Variants in HOOK3 observed in about 807,000 individuals in gnomAD.
The protein encoded by HOOK3 is protein Hook homolog 3.
In HOOK3, 24 loss-of-function variants were observed where a neutral mutation model predicts 116.3. The observed-to-expected ratio is 0.21, with a 90% CI of 0.15 to 0.29. The LOEUF is 0.29. Among genes scored for constraint, HOOK3 ranks in the 10% least tolerant of loss-of-function variants. The pLI is 1.00. For synonymous variants in HOOK3, 275 were observed against 283.0 expected (o/e 0.97, Z 0.28); for missense variants, 632 against 830.2 (o/e 0.76, Z 2.93).
chr8:42,927,218 G>A (rs1249410407), intron 3 of HOOK3, among the ~76,000 whole-genome samples: 1 of 148,340 alleles, frequency 6.7e-6, no homozygotes, highest in Non-Finnish European at 1.5e-5. Flanking sequence ...TACTAAGCTA[G>A]TGAATGAAAA....
intron 5 of HOOK3, among the ~76,000 whole-genome samples, chr8:42,947,204 G>T (rs564619619): frequency 1.2e-4 from 19 of 152,176 alleles, no homozygotes; most frequent in South Asian, 2.1e-4. Context: ...TAGGAGATTG[G>T]TATACCTAAG....
chr8:43,007,215 G>T (rs1809509755), intron 17 of HOOK3, among the ~76,000 whole-genome samples: 1 of 151,780 alleles, frequency 6.6e-6, no homozygotes, highest in Admixed American at 6.6e-5. Flanking sequence ...ACTGGGTTTT[G>T]CCATGTTGGC....
rs368973857 is a variant in HOOK3, at chr8:43,013,323, T to C, written c.1945-6T>C. On this transcript the variant is annotated splice_polypyrimidine_tract_variant and splice_region_variant and intron_variant, in intron 20 of 21. Transcript: ENST00000307602. ...CATATTTACATGTGCTTTTTTTTTTTTTTAGAAAGAATATGAGAAAACAAA... is the reference window on the plus strand; with the variant it reads ...CATATTTACATGTGCTTTTTTTTTTCTTTAGAAAGAATATGAGAAAACAAA... 21,727 of 1,558,402 alleles carry C rather than the reference T, an allele frequency of 0.014. 250 individuals carry two copies. Among genetic ancestry groups the C allele is most frequent in the Non-Finnish European group, 0.015 (17,770 of 1,158,382 alleles).
chr8:43,002,770 T>C (rs988968244), intron 17 of HOOK3, among the ~76,000 whole-genome samples: 53 of 152,222 alleles, frequency 3.5e-4, no homozygotes, highest in Non-Finnish European at 2.8e-4. Context: ...CTTGAACTCC[T>C]GGTCTCAAGT....
At chr8:42,960,059 A>G (rs896635611) in intron 8 of HOOK3, among the ~76,000 whole-genome samples, 4 of 152,258 alleles carry the variant, frequency 2.6e-5, no homozygotes, top group South Asian at 2.1e-4. Context: ...TGTAAGTGCC[A>G]TTAATTGCAT....
At chr8:42,985,874 G>A (rs1809040228) in intron 14 of HOOK3, among the ~76,000 whole-genome samples, 1 of 152,152 alleles carries the variant, frequency 6.6e-6, no homozygotes, top group East Asian at 1.9e-4. Context: ...CAAAATAAGA[G>A]CAATGCGTGT....
At chr8:43,004,576 A>G (rs1215356172) in intron 17 of HOOK3, among the ~76,000 whole-genome samples, 1 of 147,862 alleles carries the variant, frequency 6.8e-6, no homozygotes, top group Non-Finnish European at 1.5e-5. Flanking sequence ...AGCTACTTGC[A>G]AGGCTGAGGC....
At chr8:43,014,285 G>GAAA (rs1195987584) in intron 21 of HOOK3, among the ~76,000 whole-genome samples, 9 of 66,626 alleles carry the variant, frequency 1.4e-4, no homozygotes, top group East Asian at 5.1e-4. Context: ...GACTGTCTCA[G>GAAA]AAAAAAAAAA....
chr8:42,987,904 G>A (rs552900686), intron 15 of HOOK3, among the ~76,000 whole-genome samples: 88 of 151,834 alleles, frequency 5.8e-4, no homozygotes, highest in African/African-American at 1.9e-3. Flanking sequence ...AGGATTTGAC[G>A]TTTTTATTAA....
Position 42,964,410 on chromosome 8 carries a change from C to A in HOOK3, c.715C>A (p.Pro239Thr). The change falls in exon 9 of 22, where the codon CCA (proline) becomes ACA (threonine). Residue 239 changes from proline to threonine, a missense_variant. Pro to Thr is a conservative substitution (Grantham distance 38). Coordinates refer to ENST00000307602, the MANE Select transcript of HOOK3 (RefSeq NM_032410.4). ...QSDSIEDPNS[P>T]AGRRHLQLQT... ...TGATTCTATAGAAGACCCTAACAGT[C>A]CAGCAGGAAGAAGGCATTTGCAGCT... is the stretch of plus-strand genomic sequence containing the variant. The A allele has an allele frequency of 6.2e-7, 1 of 1,614,074 alleles. No individual in the cohort carries two copies. The highest frequency in any genetic ancestry group is 1.3e-5 in the African/African-American group (1 of 75,044).
At chr8:43,003,571 G>A (rs918748771) in intron 17 of HOOK3, among the ~76,000 whole-genome samples, 1 of 152,184 alleles carries the variant, frequency 6.6e-6, no homozygotes, top group Non-Finnish European at 1.5e-5. Flanking sequence ...ATTTATTAGT[G>A]AAGATGGAGC....
At chr8:42,971,595 C>T (rs546972105) in intron 11 of HOOK3, among the ~76,000 whole-genome samples, 1 of 152,016 alleles carries the variant, frequency 6.6e-6, no homozygotes, top group East Asian at 1.9e-4. Flanking sequence ...GATAATATTT[C>T]ATCTACAAGC....
At chr8:43,004,333 C>T (rs891737607) in intron 17 of HOOK3, among the ~76,000 whole-genome samples, 2 of 148,048 alleles carry the variant, frequency 1.4e-5, no homozygotes, top group African/African-American at 2.5e-5. Context: ...CACCACTGCA[C>T]TCCAGCCTGA....
chr8:42,912,137 G>A (rs1332177348), intron 2 of HOOK3, among the ~76,000 whole-genome samples: 1 of 152,120 alleles, frequency 6.6e-6, no homozygotes, highest in East Asian at 1.9e-4. Flanking sequence ...AGGTGAGTGT[G>A]GGTGCCAAAA....
At chr8:42,945,272 A>G (rs1171662527) in intron 5 of HOOK3, among the ~76,000 whole-genome samples, 2 of 152,184 alleles carry the variant, frequency 1.3e-5, no homozygotes, top group African/African-American at 4.8e-5. Context: ...ACATGAAAAC[A>G]TAAGTTTTAC....
chr8:42,991,679 G>T (rs1348944541), intron 15 of HOOK3, among the ~76,000 whole-genome samples: 1 of 152,174 alleles, frequency 6.6e-6, no homozygotes, highest in African/African-American at 2.4e-5. Context: ...TGGGATTACA[G>T]GCGTGAGCCA....
intron 13 of HOOK3, among the ~76,000 whole-genome samples, chr8:42,981,743 G>T (rs1301790848): frequency 6.6e-6 from 1 of 151,370 alleles, no homozygotes; most frequent in African/African-American, 2.4e-5. Context: ...AATTAGCTGG[G>T]CGTGGTGGTG....
At chr8:42,929,979 T>A in intron 3 of HOOK3, 143 bp from the exon 4 acceptor site, 1 of 717,644 alleles carries the variant, frequency 1.4e-6, no homozygotes, top group Non-Finnish European at 2.2e-6. Flanking sequence ...ATGATGATAA[T>A]TCAAATATGC....
chr8:43,017,293 G>A (rs1385334414), intron 21 of HOOK3, among the ~76,000 whole-genome samples: 1 of 152,178 alleles, frequency 6.6e-6, no homozygotes, highest in Non-Finnish European at 1.5e-5. Flanking sequence ...TTTGAGCCAA[G>A]TTCTCGCACT....
Sources: gnomAD v4.1 joint callset for allele counts (sites outside exome capture counted in the v4.1 genomes callset) on GRCh38, gnomAD v4.1.1 for gene constraint, MANE v1.5 for transcripts, NCBI Gene and HGNC (gene_info 2026-07-23, HGNC 2026-07-21) for gene names.